Variants in TMPRSS3 observed in about 807,000 individuals in gnomAD.
TMPRSS3 encodes transmembrane serine protease 3, also known as transmembrane protease serine 3.
TMPRSS3 carries 55 observed loss-of-function variants against 59.6 expected under a neutral mutation model. The observed-to-expected ratio is 0.92, with a 90% CI of 0.74 to 1.16. The LOEUF (loss-of-function observed/expected upper bound fraction) is 1.16, where lower values mean the gene tolerates loss of function less well. TMPRSS3 is among the 50% of genes most tolerant of loss of function. TMPRSS3 has a pLI of 0.00. For synonymous variants in TMPRSS3, 257 were observed against 237.7 expected, an observed-to-expected ratio of 1.08 and a Z score of -0.75; for missense variants, 596 against 579.4, an observed-to-expected ratio of 1.03 and a Z score of -0.29.
chr21:42,388,067 G>C lies in TMPRSS3; in HGVS notation c.446+336C>G, dbSNP rs2052664903. Among the ~76,000 whole-genome samples the C allele has an allele frequency of 6.6e-6, 1 of 152,158 alleles. No homozygotes were observed. Among genetic ancestry groups the C allele is most frequent in the Non-Finnish European group, 1.5e-5 (1 of 68,022 alleles). ...GAAAGTGTCCAGGAAGCTACTCTAG[G>C]AGCTGCAAGCTGAGGAGCTGGAGGG... On this transcript the variant is annotated intron_variant, in intron 5 of 12. Transcript: ENST00000644384. This position sits in a 1 kb window ranked among gnomAD's most constrained non-coding sequence, Gnocchi z 5.1.
chr21:42,383,717 G>C (rs995003560), intron 7 of TMPRSS3: 1 of 689,606 alleles, frequency 1.5e-6, no homozygotes, highest in South Asian at 1.5e-5. Context: ...CAGAGTGATG[G>C]GACATCATGG....
chr21:42,392,201 G>A (rs118105473), intron 2 of TMPRSS3, among the ~76,000 whole-genome samples: 13 of 152,316 alleles, frequency 8.5e-5, no homozygotes, highest in East Asian at 1.9e-4. Context: ...CTGCCTGACC[G>A]TGGAGACTCA....
chr21:42,385,793 C>T (rs1380495532), intron 5 of TMPRSS3, among the ~76,000 whole-genome samples: 1 of 152,216 alleles, frequency 6.6e-6, no homozygotes, highest in Non-Finnish European at 1.5e-5. Flanking sequence ...CCCTGGGCTG[C>T]AGCCACACAG....
At chr21:42,393,063 G>A (rs898529297) in intron 2 of TMPRSS3, among the ~76,000 whole-genome samples, 2 of 152,218 alleles carry the variant, frequency 1.3e-5, no homozygotes, top group East Asian at 1.9e-4. Flanking sequence ...TGCCCAACAC[G>A]GTGAAACCCG....
intron 2 of TMPRSS3, among the ~76,000 whole-genome samples, chr21:42,390,699 GC>G (rs1320289162): frequency 6.6e-6 from 1 of 152,166 alleles, no homozygotes; most frequent in Non-Finnish European, 1.5e-5. Context: ...CTACACTCCA[GC>G]CTGGGCAACA....
At chr21:42,385,086 TC>T (rs2052611484) in intron 6 of TMPRSS3, among the ~76,000 whole-genome samples, 1 of 107,370 alleles carries the variant, frequency 9.3e-6, no homozygotes, top group Non-Finnish European at 2.0e-5. Context: ...CCTCTTTTCC[TC>T]CCCACCCCCC....
intron 12 of TMPRSS3, among the ~76,000 whole-genome samples, chr21:42,375,078 T>C (rs1358165122): frequency 6.6e-6 from 1 of 152,108 alleles, no homozygotes; most frequent in East Asian, 1.9e-4. Flanking sequence ...AGCACGCAGC[T>C]GCCAGGGTCC....
rs183712813 is a variant in TMPRSS3 at position 42,380,462 on chromosome 21, C to G, written c.953-250G>C. 2.4e-4 allele frequency among the ~76,000 whole-genome samples: 36 copies of G among 152,308 alleles called. 1 individual carries two copies. In the East Asian group the frequency reaches 6.8e-3, roughly 29 times the overall value. The stretch of plus-strand genomic sequence containing the variant: ...GAGGGAACCTAGACCAGGGTCAGCA[C>G]ACCTTTTGTGGAAAGGGCTGAATAG... On this transcript the variant is annotated intron_variant, in intron 9 of 12. Transcript: ENST00000644384.
At chr21:42,394,209 A>G (rs1042571846) in intron 2 of TMPRSS3, among the ~76,000 whole-genome samples, 13 of 152,210 alleles carry the variant, frequency 8.5e-5, no homozygotes, top group African/African-American at 2.9e-4. Flanking sequence ...AAATAAGAGA[A>G]AGGAATATTA....
intron 5 of TMPRSS3, 21 bp from the exon 6 acceptor site, chr21:42,385,555 C>G: frequency 6.2e-7 from 1 of 1,613,866 alleles, no homozygotes; most frequent in Non-Finnish European, 8.5e-7. Context: ...ATTGGAAAGA[C>G]AGACCCGACG....
chr21:42,379,536 A>G (rs749104409), intron 10 of TMPRSS3, among the ~76,000 whole-genome samples: 1 of 152,120 alleles, frequency 6.6e-6, no homozygotes, highest in African/African-American at 2.4e-5. Flanking sequence ...TCCTCTTCCT[A>G]CTAACAAAGA....
At chr21:42,384,778 T>A (rs368564243) in intron 6 of TMPRSS3, among the ~76,000 whole-genome samples, 1 of 152,104 alleles carries the variant, frequency 6.6e-6, no homozygotes, top group Non-Finnish European at 1.5e-5. Flanking sequence ...TGGGCCTAGA[T>A]GTCAGGGAGA....
Position 42,383,110 on chromosome 21 carries a change from C to G in TMPRSS3, c.705G>C (p.Gln235His), listed in dbSNP as rs202037999. The change falls in exon 8 of 13, where the codon CAG becomes CAC. Residue 235 changes from glutamine to histidine, a missense_variant. By Grantham distance (24) the Gln-to-His change is conservative. Coordinates refer to ENST00000644384, the MANE Select transcript of TMPRSS3 (RefSeq NM_001256317.3). ...LSQWPWQASL[Q>H]FQGYHLCGGS... Reference sequence around the variant, plus strand: ...CCCCGCACAGGTGGTAGCCCTGGAACTGAAGGCTGGCCTGCCAGGGCCACT... The same window carrying G: ...CCCCGCACAGGTGGTAGCCCTGGAAGTGAAGGCTGGCCTGCCAGGGCCACT... 1.2e-6 allele frequency: 2 copies of G among 1,614,194 alleles called. No individual in the cohort carries two copies. The highest frequency in any genetic ancestry group is 2.2e-5 in the East Asian group (1 of 44,886).
intron 8 of TMPRSS3, chr21:42,382,683 C>T (rs537738175): frequency 8.3e-5 from 35 of 422,784 alleles, no homozygotes; most frequent in Non-Finnish European, 1.5e-4. Context: ...GCCTCCCGCA[C>T]CACCGTCTCA....
In TMPRSS3 at chr21:42,388,343, T is replaced by C; in HGVS notation, c.446+60A>G. On this transcript the variant is annotated intron_variant, in intron 5 of 12. Coordinates refer to ENST00000644384, the MANE Select transcript of TMPRSS3 (RefSeq NM_001256317.3). This position sits in a 1 kb window ranked among gnomAD's most constrained non-coding sequence, Gnocchi z 5.1. ...AGTGCCCAACTAAATGGTAGTTGTC[T>C]TTCTTTATTGTTATCCTCTCTGTGT... The C allele has an allele frequency of 6.2e-7, 1 of 1,613,430 alleles. No individual in the cohort carries two copies. The highest frequency in any genetic ancestry group is 8.5e-7 in the Non-Finnish European group (1 of 1,179,344).
intron 10 of TMPRSS3, among the ~76,000 whole-genome samples, chr21:42,377,627 G>A (rs576627293): frequency 2.4e-4 from 36 of 152,204 alleles, no homozygotes; most frequent in Non-Finnish European, 2.8e-4. Context: ...CCCCGACACC[G>A]AGGGATGGAC....
At chr21:42,375,975 C>T in intron 11 of TMPRSS3, 107 bp from the exon 12 acceptor site, 1 of 1,451,512 alleles carries the variant, frequency 6.9e-7, no homozygotes, top group Non-Finnish European at 9.5e-7. Flanking sequence ...AGTTGGGACC[C>T]CCCTTCATGA....
chr21:42,383,199 C>A lies in TMPRSS3; in HGVS notation c.617-1G>T. The A allele has an allele frequency of 6.2e-7, 1 of 1,614,010 alleles. No homozygotes were observed. The highest frequency in any genetic ancestry group is 1.6e-4 in the Middle Eastern group (1 of 6,062). On this transcript the variant is annotated splice_acceptor_variant, in intron 7 of 12. Transcript: ENST00000644384. LOFTEE classifies it high-confidence loss of function. The stretch of plus-strand genomic sequence containing the variant: ...CTGTAGCCCCTTCTATGACCACAGG[C>A]TATGGAGGGGAACAAAGGCTTGTGG...
chr21:42,392,699 C>G (rs1387247244), intron 2 of TMPRSS3, among the ~76,000 whole-genome samples: 1 of 152,236 alleles, frequency 6.6e-6, no homozygotes, highest in African/African-American at 2.4e-5. Flanking sequence ...CCCCCGCACA[C>G]TAACAATTCT....
Sources: gnomAD v4.1 joint callset for allele counts (sites outside exome capture counted in the v4.1 genomes callset) on GRCh38, gnomAD v4.1.1 for gene constraint, Gnocchi (gnomAD v3.1) non-coding constraint, MANE v1.5 for transcripts, NCBI Gene and HGNC (gene_info 2026-07-23, HGNC 2026-07-21) for gene names.